Variants in RORB observed in about 807,000 individuals in gnomAD.
RORB encodes RAR related orphan receptor B.
Under a neutral mutation model 59.1 loss-of-function variants are expected in RORB, and 6 were observed. That is an observed-to-expected ratio of 0.10 (90% CI 0.06 to 0.20). The LOEUF is 0.20. Ranked by LOEUF, RORB falls within the 10% of genes least tolerant of loss-of-function variation. The pLI is 1.00. For missense variants in RORB, 320 were observed against 560.5 expected (o/e 0.57, Z 4.33); for synonymous variants, 215 against 204.5 (o/e 1.05, Z -0.44).
intron 1 of RORB, among the ~76,000 whole-genome samples, chr9:74,562,531 G>C (rs1822410076): frequency 6.6e-6 from 1 of 152,146 alleles, no homozygotes; most frequent in Non-Finnish European, 1.5e-5. Flanking sequence ...TCACTGTCTT[G>C]CTAGTTTGCC....
intron 1 of RORB, among the ~76,000 whole-genome samples, chr9:74,516,446 G>T (rs1439672866): frequency 6.6e-6 from 1 of 151,918 alleles, no homozygotes; most frequent in Non-Finnish European, 1.5e-5. Context: ...GCAGAGATTT[G>T]GTTATTAGAA....
chr9:74,667,998 T>C, intron 8 of RORB, 97 bp downstream of exon 8: 1 of 733,634 alleles, frequency 1.4e-6, no homozygotes, highest in Non-Finnish European at 2.4e-6. Context: ...CAGGAGAAAC[T>C]TTAACAGAGC....
At chr9:74,589,594 T>A (rs1022945541) in intron 1 of RORB, among the ~76,000 whole-genome samples, 1 of 152,218 alleles carries the variant, frequency 6.6e-6, no homozygotes, top group Admixed American at 6.5e-5. Context: ...GTAAAGTGCC[T>A]AAGACTCAAT....
chr9:74,685,548 T>C lies in RORB; in HGVS notation c.1310T>C (p.Ile437Thr). The change falls in exon 10 of 10, where the codon ATA (isoleucine) becomes ACA (threonine). Residue 437 changes from isoleucine to threonine, a missense_variant. By Grantham distance (89) the Ile-to-Thr change is moderately conservative (BLOSUM62 -1). Around this residue, in one of 4 missense-constraint regions of RORB, gnomAD observed 109 missense variants for 171.0 expected, o/e 0.64. Coordinates refer to ENST00000376896, the MANE Select transcript of RORB (RefSeq NM_006914.4). ...GTATTTAAGCAATCTCATCCAGAGA[T>C]AGTGAATACACTGTTTCCTCCGTTA... ...LQVFKQSHPE[I>T]VNTLFPPLYK... 1.2e-6 allele frequency: 2 copies of C among 1,613,498 alleles called. No homozygotes were observed. The highest frequency in any genetic ancestry group is 1.1e-5 in the South Asian group (1 of 91,040).
At chr9:74,622,840 A>T (rs1823446847) in intron 1 of RORB, among the ~76,000 whole-genome samples, 1 of 152,098 alleles carries the variant, frequency 6.6e-6, no homozygotes, top group Non-Finnish European at 1.5e-5. Flanking sequence ...CCAGATTCTT[A>T]TAGGCCCAGG....
intron 1 of RORB, among the ~76,000 whole-genome samples, chr9:74,512,106 G>A (rs1322846776): frequency 1.3e-5 from 2 of 152,060 alleles, no homozygotes; most frequent in East Asian, 3.8e-4. Context: ...TGTCTCTAAA[G>A]GCTCCTAATT....
At chr9:74,526,608 C>T (rs1304738601) in intron 1 of RORB, among the ~76,000 whole-genome samples, 1 of 151,922 alleles carries the variant, frequency 6.6e-6, no homozygotes, top group African/African-American at 2.4e-5. Context: ...CCAAAAACTC[C>T]CATTTGTGCC....
Position 74,667,782 on chromosome 9 carries a change from C to T in RORB, c.1001-9C>T. 1 of 1,562,300 alleles carries T rather than the reference C, an allele frequency of 6.4e-7. No homozygotes were observed. Among genetic ancestry groups the T allele is most frequent in the South Asian group, 1.1e-5 (1 of 89,944 alleles). ...GTATTTTTATTCCATTTTTCTTCTTCCTTTATAGGTTCTGATGACCTAGTG... is the reference window on the plus strand; with the variant it reads ...GTATTTTTATTCCATTTTTCTTCTTTCTTTATAGGTTCTGATGACCTAGTG... On this transcript the variant is annotated splice_polypyrimidine_tract_variant and intron_variant, in intron 7 of 9. Transcript: ENST00000376896.
chr9:74,538,853 T>G (rs1826362592), intron 1 of RORB, among the ~76,000 whole-genome samples: 1 of 152,132 alleles, frequency 6.6e-6, no homozygotes, highest in African/African-American at 2.4e-5. Flanking sequence ...AATCCAAGAT[T>G]GTCTGGCTGT....
intron 1 of RORB, among the ~76,000 whole-genome samples, chr9:74,504,409 G>A (rs533390480): frequency 6.6e-6 from 1 of 152,008 alleles, no homozygotes; most frequent in Non-Finnish European, 1.5e-5. Context: ...CTTGAAATAG[G>A]CATGTTTTTA....
intron 1 of RORB, among the ~76,000 whole-genome samples, chr9:74,537,998 G>A (rs1279529286): frequency 2.6e-5 from 4 of 151,978 alleles, no homozygotes; most frequent in Non-Finnish European, 5.9e-5. Flanking sequence ...TCCACTAATG[G>A]TAAGTTTCCT....
Position 74,686,290 on chromosome 9 carries a change from T to C in RORB, c.*672T>C, listed in dbSNP as rs1394408297. 1 of 152,640 alleles carries C rather than the reference T, an allele frequency of 6.6e-6. No individual in the cohort carries two copies. The highest frequency in any genetic ancestry group is 2.4e-5 in the African/African-American group (1 of 41,460). The allele number at this position is 152,640 out of a possible 1,614,324, so 9.5% of individuals were successfully genotyped here. A position where few individuals can be genotyped will look rare whatever the true frequency, so the allele number is the denominator to read the frequency against. On this transcript the variant is annotated 3_prime_UTR_variant, in exon 10 of 10. Transcript: ENST00000376896. Reference sequence around the variant, plus strand: ...AGCCAGAGTTTTCATCTATAGTCAATGGCAGGACGGTACCAACTCAGAGTT... The same window carrying C: ...AGCCAGAGTTTTCATCTATAGTCAACGGCAGGACGGTACCAACTCAGAGTT...
Position 74,642,395 on chromosome 9 carries a change from G to C in RORB, c.236-19G>C. On this transcript the variant is annotated intron_variant, in intron 3 of 9. Transcript: ENST00000376896. The stretch of plus-strand genomic sequence containing the variant: ...ATGATAACCACAAGTGCTGTTTTCT[G>C]CTTTTCTCTCCAACCCAGCTGTGAA... 2 of 1,588,368 alleles carry C rather than the reference G, an allele frequency of 1.3e-6. No homozygotes were observed. The highest frequency in any genetic ancestry group is 1.7e-6 in the Non-Finnish European group (2 of 1,166,644).
intron 1 of RORB, among the ~76,000 whole-genome samples, chr9:74,601,609 C>A (rs779229189): frequency 2.0e-5 from 3 of 152,132 alleles, no homozygotes; most frequent in Admixed American, 6.5e-5. Flanking sequence ...CAATTCTCTA[C>A]GATTTCTCAC....
In RORB at chr9:74,571,603, G is replaced by T. The variant is rs539321823; in HGVS notation, c.8-58679G>T. ...ATTTTAACCAAATATTATCACTGCT[G>T]GAGAGCACCTAATATTACTCAATAT... On this transcript the variant is annotated intron_variant, in intron 1 of 9. Transcript: ENST00000376896. Among the ~76,000 whole-genome samples, 79 of 152,058 alleles carry T rather than the reference G, an allele frequency of 5.2e-4. 2 individuals carry two copies. The highest frequency in any genetic ancestry group is 4.4e-3 in the South Asian group (21 of 4,810).
At chr9:74,666,353 T>G (rs995653383) in intron 7 of RORB, among the ~76,000 whole-genome samples, 1 of 151,770 alleles carries the variant, frequency 6.6e-6, no homozygotes, top group Admixed American at 6.6e-5. Context: ...CCCAGCTACT[T>G]GGGAGGCTGA....
intron 4 of RORB, among the ~76,000 whole-genome samples, chr9:74,648,302 G>A (rs1429893377): frequency 6.6e-6 from 1 of 152,078 alleles, no homozygotes; most frequent in Admixed American, 6.5e-5. Context: ...TTGAGATTGG[G>A]GGTCCTAACT....
chr9:74,666,981 G>A (rs1824278271), intron 7 of RORB, among the ~76,000 whole-genome samples: 1 of 152,190 alleles, frequency 6.6e-6, no homozygotes, highest in African/African-American at 2.4e-5. Flanking sequence ...GCTGTTAGTT[G>A]ATATGGCAGC....
intron 1 of RORB, among the ~76,000 whole-genome samples, chr9:74,501,076 G>A (rs1042603336): frequency 2.6e-5 from 4 of 152,074 alleles, no homozygotes; most frequent in African/African-American, 9.7e-5. Flanking sequence ...AAGATCTGTG[G>A]GCTGTTTATT....
Sources: allele counts gnomAD v4.1 joint callset (sites outside exome capture counted in the v4.1 genomes callset), GRCh38; gene constraint gnomAD v4.1.1; regional missense constraint gnomAD v4.1.1; transcripts MANE v1.5; gene names NCBI Gene and HGNC (gene_info 2026-07-23, HGNC 2026-07-21).